KCND2: variants seen among roughly 807,000 people sequenced by gnomAD.
KCND2 encodes the protein A-type voltage-gated potassium channel KCND2.
Under a neutral mutation model 54.4 loss-of-function variants are expected in KCND2, and 16 were observed. The observed-to-expected ratio is 0.29, with a 90% CI of 0.20 to 0.45. The LOEUF (loss-of-function observed/expected upper bound fraction) is 0.45. KCND2 is among the 20% of genes least tolerant of loss of function. KCND2 has a pLI of 1.00. For synonymous variants in KCND2, 317 were observed against 310.7 expected (o/e 1.02, Z -0.21); for missense variants, 486 against 824.2 (o/e 0.59, Z 5.02).
chr7:120,316,233 T>C (rs1477410078), intron 1 of KCND2, among the ~76,000 whole-genome samples: 1 of 152,228 alleles, frequency 6.6e-6, no homozygotes, highest in Non-Finnish European at 1.5e-5. Flanking sequence ...TTCTGCTTTC[T>C]GTACTACTTT....
At chr7:120,577,739 C>T (rs1415461668) in intron 1 of KCND2, among the ~76,000 whole-genome samples, 1 of 152,090 alleles carries the variant, frequency 6.6e-6, no homozygotes, top group African/African-American at 2.4e-5. Context: ...GTCCCTGTCA[C>T]CACGCCCGGC....
chr7:120,541,138 C>A (rs910196420), intron 1 of KCND2, among the ~76,000 whole-genome samples: 5 of 152,078 alleles, frequency 3.3e-5, no homozygotes, highest in African/African-American at 1.2e-4. Flanking sequence ...ATAAAATAGT[C>A]CCTGTTATTA....
At chr7:120,400,364 C>T (rs1314055080) in intron 1 of KCND2, among the ~76,000 whole-genome samples, 2 of 152,056 alleles carry the variant, frequency 1.3e-5, no homozygotes, top group Admixed American at 6.6e-5. Context: ...AACCATACTC[C>T]AATAAAGCAA....
chr7:120,414,464 A>G (rs1234055751), intron 1 of KCND2, among the ~76,000 whole-genome samples: 2 of 152,142 alleles, frequency 1.3e-5, no homozygotes, highest in Admixed American at 6.6e-5. Context: ...TCTGCAATGC[A>G]ATTCCTTCCA....
chr7:120,422,776 C>T (rs1402963815), intron 1 of KCND2, among the ~76,000 whole-genome samples: 2 of 152,184 alleles, frequency 1.3e-5, no homozygotes, highest in Non-Finnish European at 2.9e-5. Context: ...AGCCAACTGG[C>T]CCTCAACACA....
intron 1 of KCND2, among the ~76,000 whole-genome samples, chr7:120,637,759 T>C (rs775650389): frequency 1.3e-5 from 2 of 152,122 alleles, no homozygotes; most frequent in Non-Finnish European, 2.9e-5. Flanking sequence ...CTCAAGGTGA[T>C]TTAACAGCTC....
intron 1 of KCND2, among the ~76,000 whole-genome samples, chr7:120,326,707 A>G (rs965331049): frequency 2.6e-4 from 39 of 152,126 alleles, no homozygotes; most frequent in African/African-American, 9.4e-4. Flanking sequence ...GTATGGAAAT[A>G]TAAATATTTG....
intron 1 of KCND2, among the ~76,000 whole-genome samples, chr7:120,569,458 A>G (rs1487276117): frequency 6.6e-6 from 1 of 152,172 alleles, no homozygotes; most frequent in African/African-American, 2.4e-5. Context: ...ACAAGTCAAC[A>G]TTAAGAACTC....
intron 1 of KCND2, among the ~76,000 whole-genome samples, chr7:120,458,834 A>G (rs1447566813): frequency 6.6e-6 from 1 of 150,958 alleles, no homozygotes; most frequent in Non-Finnish European, 1.5e-5. Context: ...TATATCCAAA[A>G]AATAATAATT....
At chr7:120,411,944 G>A (rs1253063861) in intron 1 of KCND2, among the ~76,000 whole-genome samples, 1 of 151,920 alleles carries the variant, frequency 6.6e-6, no homozygotes, top group Non-Finnish European at 1.5e-5. Context: ...AGATGTATAT[G>A]TGGATGTATT....
intron 1 of KCND2, among the ~76,000 whole-genome samples, chr7:120,351,704 A>T (rs1457021269): frequency 6.6e-6 from 1 of 152,128 alleles, no homozygotes; most frequent in Admixed American, 6.6e-5. Flanking sequence ...CCATGCTGAA[A>T]AATATATCTC....
intron 1 of KCND2, among the ~76,000 whole-genome samples, chr7:120,486,479 G>T (rs144680838): frequency 1.3e-5 from 2 of 151,946 alleles, no homozygotes; most frequent in East Asian, 3.9e-4. Context: ...TTAAGATAGG[G>T]GTTAGTTAGC....
chr7:120,571,059 C>T (rs1792359783), intron 1 of KCND2, among the ~76,000 whole-genome samples: 1 of 152,168 alleles, frequency 6.6e-6, no homozygotes, highest in Admixed American at 6.6e-5. Flanking sequence ...CTCCTGGTAG[C>T]CCTCAGCTTC....
chr7:120,678,877 G>T (rs1469717467), intron 1 of KCND2, among the ~76,000 whole-genome samples: 1 of 150,692 alleles, frequency 6.6e-6, no homozygotes, highest in East Asian at 2.0e-4. Context: ...ACAACATAAA[G>T]AGTTCTGAAG....
chr7:120,464,012 G>GT, intron 1 of KCND2: 8 of 894,270 alleles, frequency 8.9e-6, no homozygotes, highest in South Asian at 1.0e-4. Flanking sequence ...ATGTTTCTTA[G>GT]TTTTGTTTTT....
At chr7:120,370,585 C>T (rs1563024508) in intron 1 of KCND2, among the ~76,000 whole-genome samples, 2 of 151,930 alleles carry the variant, frequency 1.3e-5, no homozygotes, top group African/African-American at 4.8e-5. Flanking sequence ...ATATTATTGC[C>T]ATTGCCAGAT....
chr7:120,622,338 A>T (rs1793109316), intron 1 of KCND2, among the ~76,000 whole-genome samples: 1 of 152,110 alleles, frequency 6.6e-6, no homozygotes, highest in African/African-American at 2.4e-5. Context: ...GATTCATAGG[A>T]TTCACTTTTA....
At chr7:120,580,493 A>G (rs1792501506) in intron 1 of KCND2, among the ~76,000 whole-genome samples, 1 of 152,184 alleles carries the variant, frequency 6.6e-6, no homozygotes. Flanking sequence ...GAAAACTGGC[A>G]GAACCCACCA....
intron 2 of KCND2, among the ~76,000 whole-genome samples, chr7:120,734,917 TAAGTA>T (rs1309071331): frequency 6.6e-6 from 1 of 152,080 alleles, no homozygotes; most frequent in African/African-American, 2.4e-5. Context: ...GTCAGCCTCT[TAAGTA>T]AAGTATACAA....
Sources: allele counts gnomAD v4.1 joint callset (sites outside exome capture counted in the v4.1 genomes callset), GRCh38; gene constraint gnomAD v4.1.1; transcripts MANE v1.5; gene names NCBI Gene and HGNC (gene_info 2026-07-23, HGNC 2026-07-21).